TEF: variants seen among roughly 807,000 people sequenced by gnomAD.
TEF encodes the protein thyrotroph embryonic factor.
In TEF, 3 loss-of-function variants were observed where a neutral mutation model predicts 20.8. The observed-to-expected ratio is 0.14, with a 90% CI of 0.07 to 0.37. The LOEUF (loss-of-function observed/expected upper bound fraction) is 0.37, where lower values mean the gene tolerates loss of function less well. TEF is among the 10% of genes least tolerant of loss of function. The pLI is 1.00. For missense variants in TEF, 296 were observed against 397.9 expected (o/e 0.74, Z 2.18); for synonymous variants, 180 against 171.1 (o/e 1.05, Z -0.41).
chr22:41,387,936 C>T (rs1379025828), intron 2 of TEF, among the ~76,000 whole-genome samples: 5 of 148,456 alleles, frequency 3.4e-5, no homozygotes, highest in South Asian at 2.1e-4. Context: ...TTCCAGGCCA[C>T]GGCATTACAG....
upstream of TEF, among the ~76,000 whole-genome samples, chr22:41,381,112 C>T (rs555577062): frequency 1.4e-4 from 22 of 152,314 alleles, no homozygotes; most frequent in African/African-American, 5.3e-4. Context: ...GATGCGTGGG[C>T]AACCCGACAC....
intron 1 of TEF, among the ~76,000 whole-genome samples, chr22:41,372,969 G>C (rs1437199866): frequency 6.6e-6 from 1 of 152,186 alleles, no homozygotes; most frequent in Non-Finnish European, 1.5e-5. Flanking sequence ...AGCAAGCAAG[G>C]GGGAGAGGGG....
intron 2 of TEF, 122 bp downstream of exon 2, chr22:41,387,790 C>T: frequency 1.9e-6 from 2 of 1,032,368 alleles, no homozygotes; most frequent in Non-Finnish European, 2.8e-6. Context: ...CCTGGTGGGG[C>T]TGCAGTGTGG....
At position 41,396,120 on chromosome 22, in the gene TEF, G is replaced by T; in HGVS notation, c.*160G>T. ...CACGTCTCAGCTTCATTATACCATG[G>T]CCTGCGCACGTGGCGACGTCCCTGA... On this transcript the variant is annotated 3_prime_UTR_variant, in exon 4 of 4. Coordinates refer to ENST00000266304, the MANE Select transcript of TEF (RefSeq NM_003216.4). 1.3e-6 allele frequency: 1 copy of T among 751,310 alleles called. No homozygotes were observed. 46.5% of individuals were successfully genotyped at this position (751,310 alleles called of 1,614,324 possible).
intron 1 of TEF, chr22:41,370,050 G>C (rs1040705029): frequency 1.0e-6 from 1 of 985,350 alleles, no homozygotes; most frequent in Non-Finnish European, 1.2e-6. Context: ...AGAAACTCCA[G>C]GTGTGCTCTC....
At position 41,398,592 on chromosome 22, in the gene TEF, G is replaced by A. The variant is rs1317836133; in HGVS notation, c.*2632G>A. ...TGATGGAGGAACGTGTGCATTTAGA[G>A]AGAGGGAGAGTTTTCAAGGTTTATG... is the stretch of plus-strand genomic sequence containing the variant. On this transcript the variant is annotated 3_prime_UTR_variant, in exon 4 of 4. Transcript: ENST00000266304. 1.3e-5 allele frequency: 2 copies of A among 153,450 alleles called. No homozygotes were observed. Among genetic ancestry groups the A allele is most frequent in the African/African-American group, 4.8e-5 (2 of 41,464 alleles). The allele number at this position is 153,450 out of a possible 1,614,324, so 9.5% of individuals were successfully genotyped here. A position where few individuals can be genotyped will look rare whatever the true frequency, so the allele number is the denominator to read the frequency against.
At chr22:41,383,113 T>A (rs2037056092) in intron 1 of TEF, 2 of 454,652 alleles carry the variant, frequency 4.4e-6, no homozygotes, top group African/African-American at 4.0e-5. Flanking sequence ...CCAAGAGCCA[T>A]CAGTTATTCA....
chr22:41,372,222 T>C (rs1276840975), intron 1 of TEF, among the ~76,000 whole-genome samples: 6 of 152,168 alleles, frequency 3.9e-5, no homozygotes. Context: ...CTCTCTCTTC[T>C]TCCTTCCCAC....
chr22:41,395,516 C>G (rs2037216455), intron 3 of TEF, among the ~76,000 whole-genome samples: 2 of 152,124 alleles, frequency 1.3e-5, no homozygotes, highest in Non-Finnish European at 2.9e-5. Context: ...GGAGATGAGT[C>G]TCCTTCTCTT....
At chr22:41,383,229 C>G (rs1190955451) in intron 1 of TEF, among the ~76,000 whole-genome samples, 3 of 152,136 alleles carry the variant, frequency 2.0e-5, no homozygotes. Context: ...GCTGAGGCTC[C>G]CATCCCTGTG....
Position 41,375,530 on chromosome 22 carries a change from C to T in TEF, c.67+7931C>T, listed in dbSNP as rs1048925964. 1.6e-4 allele frequency among the ~76,000 whole-genome samples: 25 copies of T among 152,190 alleles called. 1 individual carries two copies. The South Asian group carries it at 3.9e-3, about 24-fold the overall frequency. ...CTTTGGGAGGCCGAGGCGGGCGGATCGCGAGGTCAGGAGATCGAGGCCATG... is the reference window on the plus strand; with the variant it reads ...CTTTGGGAGGCCGAGGCGGGCGGATTGCGAGGTCAGGAGATCGAGGCCATG... On this transcript the variant is annotated intron_variant, in intron 1 of 3. Coordinates refer to the TEF transcript ENST00000406644.
chr22:41,388,088 C>T (rs1410760206), intron 2 of TEF, among the ~76,000 whole-genome samples: 1 of 144,668 alleles, frequency 6.9e-6, no homozygotes, highest in Non-Finnish European at 1.5e-5. Flanking sequence ...ACCTCCACCT[C>T]CTGGGTTCAA....
At chr22:41,381,783 C>T, upstream of TEF, 1 of 928,618 alleles carries the variant, frequency 1.1e-6, no homozygotes, top group East Asian at 3.7e-5. Flanking sequence ...CCCGACCAAT[C>T]ACGGCCCGAG....
At chr22:41,378,305 A>G (rs555119885), upstream of TEF, among the ~76,000 whole-genome samples, 1 of 142,714 alleles carries the variant, frequency 7.0e-6, no homozygotes, top group Admixed American at 7.1e-5. Context: ...AGTAGCTGGG[A>G]TTACAGGCAC....
At chr22:41,373,888 C>T (rs1369070581) in intron 1 of TEF, among the ~76,000 whole-genome samples, 2 of 151,708 alleles carry the variant, frequency 1.3e-5, no homozygotes, top group East Asian at 3.9e-4. Flanking sequence ...CTCAGTCTCC[C>T]GAGTAGCTGA....
chr22:41,375,206 A>G (rs1226704063), intron 1 of TEF, among the ~76,000 whole-genome samples: 1 of 152,190 alleles, frequency 6.6e-6, no homozygotes, highest in Non-Finnish European at 1.5e-5. Flanking sequence ...GACAAACAGG[A>G]AACTAGCACT....
chr22:41,373,240 C>A (rs541695692), intron 1 of TEF, among the ~76,000 whole-genome samples: 8 of 152,164 alleles, frequency 5.3e-5, no homozygotes, highest in Non-Finnish European at 1.2e-4. Context: ...ACTTCGGACA[C>A]CACGGTACAG....
intron 1 of TEF, chr22:41,382,913 G>A (rs904084822): frequency 6.4e-6 from 3 of 470,986 alleles, no homozygotes; most frequent in African/African-American, 6.0e-5. Flanking sequence ...CTTAGATTCT[G>A]GGGCCACGGC....
At chr22:41,373,305 C>G (rs2036904179) in intron 1 of TEF, among the ~76,000 whole-genome samples, 1 of 152,062 alleles carries the variant, frequency 6.6e-6, no homozygotes, top group African/African-American at 2.4e-5. Flanking sequence ...CCCTTGAATA[C>G]CACAGGGATT....
Sources: gnomAD v4.1 joint callset for allele counts (sites outside exome capture counted in the v4.1 genomes callset) on GRCh38, gnomAD v4.1.1 for gene constraint, MANE v1.5 for transcripts, NCBI Gene and HGNC (gene_info 2026-07-23, HGNC 2026-07-21) for gene names.